The following MAP3K12 variants were observed in gnomAD, a reference collection of about 807,000 sequenced individuals.
MAP3K12 encodes the protein mitogen-activated protein kinase kinase kinase 12.
Under a neutral mutation model 87.5 loss-of-function variants are expected in MAP3K12, and 14 were observed. The observed-to-expected ratio is 0.16, with a 90% CI of 0.11 to 0.25. The LOEUF (loss-of-function observed/expected upper bound fraction) is 0.25, where lower values mean the gene tolerates loss of function less well. Among genes scored for constraint, MAP3K12 ranks in the 10% least tolerant of loss-of-function variants. The probability of loss-of-function intolerance (pLI) is 1.00; values close to 1 mark genes in which losing one functional copy is unlikely to be tolerated. For missense variants in MAP3K12, 802 were observed against 1,140.4 expected, an observed-to-expected ratio of 0.70 and a Z score of 4.27; for synonymous variants, 469 against 452.5, an observed-to-expected ratio of 1.04 and a Z score of -0.46.
At position 53,482,065 on chromosome 12, in the gene MAP3K12, T is replaced by C; in HGVS notation, c.2456A>G (p.Glu819Gly). The C allele has an allele frequency of 6.2e-7, 1 of 1,614,146 alleles. No individual in the cohort carries two copies. Among genetic ancestry groups the C allele is most frequent in the Non-Finnish European group, 8.5e-7 (1 of 1,180,008 alleles). Residue 819 changes from glutamate (E) to glycine (G), a missense_variant, in exon 13 of 14, where the codon GAG becomes GGG. Glu to Gly is a moderately conservative substitution (Grantham distance 98). Transcript: ENST00000547488. ...GSTNTDERPD[E>G]RSDDMCSQGS... ...CTGGGAGCACATGTCATCAGACCGC[T>C]CATCTGGCCGCTCATCAGTGTTGGT...
chr12:53,491,860 G>A (rs886677719), intron 1 of MAP3K12, among the ~76,000 whole-genome samples: 13 of 151,678 alleles, frequency 8.6e-5, no homozygotes, highest in Non-Finnish European at 1.6e-4. Context: ...GATCGCTTGA[G>A]CTCGGGAGTT....
At position 53,481,121 on chromosome 12, in the gene MAP3K12, ATATG is replaced by A. The variant is rs1259039446; in HGVS notation, c.*57_*60del. 3.3e-6 allele frequency: 2 copies of A among 612,626 alleles called. No individual in the cohort carries two copies. The highest frequency in any genetic ancestry group is 2.0e-5 in the African/African-American group (1 of 50,152). 37.9% of individuals were successfully genotyped at this position (612,626 alleles called of 1,614,324 possible). A position where few individuals can be genotyped will look rare whatever the true frequency, so the allele number is the denominator to read the frequency against. ...GATTATGTGGCGCATATATATATAT[ATATG>A]TATATATATATAATTTATATAAATA... On this transcript the variant is annotated 3_prime_UTR_variant, in exon 14 of 14. Coordinates refer to ENST00000547488, the MANE Select transcript of MAP3K12 (RefSeq NM_001193511.2).
At chr12:53,484,846 T>G in intron 6 of MAP3K12, 1 of 614,148 alleles carries the variant, frequency 1.6e-6, no homozygotes, top group Non-Finnish European at 2.8e-6. Flanking sequence ...CAGATATCGT[T>G]AAGTGTATTT....
intron 1 of MAP3K12, among the ~76,000 whole-genome samples, chr12:53,495,804 G>T (rs11170563): frequency 1.3e-5 from 2 of 152,142 alleles, no homozygotes; most frequent in Admixed American, 1.3e-4. Flanking sequence ...GTTCCCCTGA[G>T]AACTTGGGGG....
chr12:53,490,662 T>G (rs1565890198), intron 1 of MAP3K12, among the ~76,000 whole-genome samples: 1 of 149,632 alleles, frequency 6.7e-6, no homozygotes, highest in Non-Finnish European at 1.5e-5. Flanking sequence ...AAGAATGGCA[T>G]GAACATGGGA....
chr12:53,482,486 A>G (rs1009929386), intron 11 of MAP3K12, 79 bp downstream of exon 11: 5 of 1,605,786 alleles, frequency 3.1e-6, no homozygotes, highest in Admixed American at 3.3e-5. Context: ...AAAATTGAGC[A>G]TAATGTGGGG....
intron 1 of MAP3K12, among the ~76,000 whole-genome samples, chr12:53,488,096 G>T (rs1195265780): frequency 6.6e-6 from 1 of 152,154 alleles, no homozygotes; most frequent in African/African-American, 2.4e-5. Flanking sequence ...ACACCCCTGG[G>T]CCTCTCCAAG....
intron 1 of MAP3K12, among the ~76,000 whole-genome samples, chr12:53,494,113 C>A (rs1003809435): frequency 1.3e-5 from 2 of 152,234 alleles, no homozygotes; most frequent in African/African-American, 4.8e-5. Flanking sequence ...CCCACTGCCC[C>A]CTGGCTGGGC....
chr12:53,496,017 T>C (rs1301370190), intron 1 of MAP3K12, among the ~76,000 whole-genome samples: 2 of 152,104 alleles, frequency 1.3e-5, no homozygotes, highest in African/African-American at 2.4e-5. Context: ...GTTTAAGGAA[T>C]GTAATCTCTC....
At chr12:53,481,592 C>T (rs1943049039) in intron 13 of MAP3K12, 2 of 318,552 alleles carry the variant, frequency 6.3e-6, no homozygotes, top group East Asian at 6.4e-5. Context: ...TTGTGATCCA[C>T]CCGCCTCGGC....
chr12:53,487,707 G>A (rs954307061), intron 1 of MAP3K12: 6 of 306,160 alleles, frequency 2.0e-5, no homozygotes, highest in Non-Finnish European at 3.0e-5. Flanking sequence ...CCCCACGTGG[G>A]TACACACTGG....
rs1943019829 is a variant in MAP3K12, at chr12:53,481,115, ATATATATATG to A, written c.*57_*66del. On this transcript the variant is annotated 3_prime_UTR_variant, in exon 14 of 14. Transcript: ENST00000547488. ...TCTGTTGATTATGTGGCGCATATAT[ATATATATATG>A]TATATATATATAATTTATATAAATA... 1.6e-6 allele frequency: 1 copy of A among 621,014 alleles called. No homozygotes were observed. The highest frequency in any genetic ancestry group is 2.0e-5 in the African/African-American group (1 of 50,248). 38.5% of individuals were successfully genotyped at this position (621,014 alleles called of 1,614,324 possible). A position where few individuals can be genotyped will look rare whatever the true frequency, so the allele number is the denominator to read the frequency against.
chr12:53,483,118 C>G lies in MAP3K12; in HGVS notation c.1685G>C (p.Gly562Ala). Residue 562 changes from glycine to alanine, a missense_variant, in exon 11 of 14, where the codon GGG (glycine) becomes GCG (alanine). This residue lies in a region of MAP3K12 where 490 missense variants were observed against 496.6 expected (regional missense o/e 0.99). Coordinates refer to ENST00000547488, the MANE Select transcript of MAP3K12 (RefSeq NM_001193511.2). ...TGGTGAGGGGGGGCCCTTAGGACAC[C>G]CAGGAAGCCCCACCCCACTCAGGGC... ...DAALSGVGLPGCPKGPPSPGR... is the reference protein window; with the variant it reads ...DAALSGVGLPACPKGPPSPGR... 6.6e-7 allele frequency: 1 copy of G among 1,520,834 alleles called. No individual in the cohort carries two copies. Among genetic ancestry groups the G allele is most frequent in the South Asian group, 1.3e-5 (1 of 75,388 alleles). 94.2% of individuals were successfully genotyped at this position (1,520,834 alleles called of 1,614,324 possible).
chr12:53,481,149 T>C lies in MAP3K12; in HGVS notation c.*33A>G, dbSNP rs774850980. ...TGTATATATATATAATTTATATAAA[T>C]ATTTCTCTATGTACAAGGAATACGA... On this transcript the variant is annotated 3_prime_UTR_variant, in exon 14 of 14. Transcript: ENST00000547488. The C allele has an allele frequency of 7.7e-5, 77 of 999,168 alleles. No individual in the cohort carries two copies. Among genetic ancestry groups the C allele is most frequent in the Admixed American group, 6.6e-4 (18 of 27,198 alleles). 61.9% of individuals were successfully genotyped at this position (999,168 alleles called of 1,614,324 possible).
rs1943078856 is a variant in MAP3K12 at position 53,482,292 on chromosome 12, C to T, written c.2309+7G>A. The stretch of plus-strand genomic sequence containing the variant: ...ATGCCATTAATTCTTGTAATGCCAT[C>T]ACTTACCTCTGGCTTGATGTCAGCT... On this transcript the variant is annotated splice_region_variant and intron_variant, in intron 12 of 13. Transcript: ENST00000547488. 1 of 1,614,186 alleles carries T rather than the reference C, an allele frequency of 6.2e-7. No homozygotes were observed. Among genetic ancestry groups the T allele is most frequent in the Non-Finnish European group, 8.5e-7 (1 of 1,180,028 alleles).
At position 53,485,678 on chromosome 12, in the gene MAP3K12, C is replaced by T. The variant is rs541714627; in HGVS notation, c.822-203G>A. ...TCAAGTGATTCTCCTGCCTCAGCCT[C>T]CTGAGTAGCTGAGACTACGGGCACT... On this transcript the variant is annotated intron_variant, in intron 4 of 13. Transcript: ENST00000547488. The T allele has an allele frequency of 5.8e-5, 35 of 602,324 alleles. No individual in the cohort carries two copies. The Middle Eastern group carries it at 2.7e-3, about 47-fold the overall frequency. The allele number at this position is 602,324 out of a possible 1,614,324, so 37.3% of individuals were successfully genotyped here.
intron 1 of MAP3K12, among the ~76,000 whole-genome samples, chr12:53,489,672 G>A (rs911552851): frequency 6.6e-6 from 1 of 152,174 alleles, no homozygotes; most frequent in Admixed American, 6.5e-5. Context: ...AGTGGGGGAG[G>A]AGTGGCAGGA....
At position 53,486,533 on chromosome 12, in the gene MAP3K12, C is replaced by T. The variant is rs1565887202; in HGVS notation, c.535G>A (p.Gly179Arg). The change falls in exon 3 of 14, where the codon GGG becomes AGG. Residue 179 changes from glycine (G) to arginine (R), a missense_variant. By Grantham distance (125) the Gly-to-Arg change is moderately radical. Around this residue, in one of 5 missense-constraint regions of MAP3K12, gnomAD observed 57 missense variants for 161.8 expected, o/e 0.35. Transcript: ENST00000547488. The surrounding 1 kb of genome is among the most constrained non-coding windows in gnomAD (Gnocchi z 4.9). The part of the protein sequence containing the change: ...QGAVFLGRFH[G>R]EEVAVKKVRD... ...ACCTTCTTCACAGCCACCTCCTCCC[C>T]GTGGAAGCGCCCCAGGAAGACAGCA... is the stretch of plus-strand genomic sequence containing the variant. The T allele has an allele frequency of 1.2e-6, 2 of 1,614,144 alleles. No individual in the cohort carries two copies.
chr12:53,491,220 G>A (rs1373013348), intron 1 of MAP3K12, among the ~76,000 whole-genome samples: 5 of 135,620 alleles, frequency 3.7e-5, no homozygotes, highest in Non-Finnish European at 6.2e-5. Flanking sequence ...CCCGGGAGGC[G>A]GAAGTTGCAG....
Sources: gnomAD v4.1 joint callset for allele counts (sites outside exome capture counted in the v4.1 genomes callset) on GRCh38, gnomAD v4.1.1 for gene constraint, gnomAD v4.1.1 regional missense constraint, Gnocchi (gnomAD v3.1) non-coding constraint, MANE v1.5 for transcripts, NCBI Gene and HGNC (gene_info 2026-07-23, HGNC 2026-07-21) for gene names.